Variants in PGM2L1 observed in about 807,000 individuals in gnomAD.
PGM2L1 encodes glucose 1,6-bisphosphate synthase.
Under a neutral mutation model 73.4 loss-of-function variants are expected in PGM2L1, and 35 were observed. The observed-to-expected ratio is 0.48, with a 90% confidence interval of 0.36 to 0.63. PGM2L1 has a LOEUF of 0.63. Ranked by LOEUF, PGM2L1 falls within the 30% of genes least tolerant of loss-of-function variation. PGM2L1 has a pLI of 0.00. For missense variants in PGM2L1, 570 were observed against 742.0 expected (o/e 0.77, Z 2.69); for synonymous variants, 225 against 253.8 (o/e 0.89, Z 1.08).
At chr11:74,346,549 T>A (rs1270840558) in intron 8 of PGM2L1, among the ~76,000 whole-genome samples, 183 bp downstream of exon 8, 1 of 152,200 alleles carries the variant, frequency 6.6e-6, no homozygotes, top group East Asian at 1.9e-4. Context: ...TTTAAATATT[T>A]CAATTTAAAA....
intron 5 of PGM2L1, 59 bp downstream of exon 5, chr11:74,368,433 T>C (rs1663793654): frequency 7.0e-7 from 1 of 1,423,076 alleles, no homozygotes; most frequent in Admixed American, 1.7e-5. Context: ...TCAACACATA[T>C]TATTTGAATA....
intron 1 of PGM2L1, among the ~76,000 whole-genome samples, chr11:74,382,515 T>C (rs1415067649): frequency 6.6e-6 from 1 of 152,188 alleles, no homozygotes; most frequent in Non-Finnish European, 1.5e-5. Context: ...TTTTATTTTT[T>C]TGAGGCAGAG....
At position 74,389,720 on chromosome 11, in the gene PGM2L1, G is replaced by C. The variant is rs111281992; in HGVS notation, c.111+8331C>G. On this transcript the variant is annotated intron_variant, in intron 1 of 13. Coordinates refer to ENST00000298198, the MANE Select transcript of PGM2L1 (RefSeq NM_173582.6). The stretch of plus-strand genomic sequence containing the variant: ...CTGCCTTGGCCTCCCAAAGTGCTAG[G>C]ATTACAGACGTGAGCCACTGCGCCC... Among the ~76,000 whole-genome samples, 976 of 151,194 alleles carry C rather than the reference G, an allele frequency of 6.5e-3. 9 individuals carry two copies. The highest frequency in any genetic ancestry group is 0.022 in the African/African-American group (921 of 41,254).
intron 12 of PGM2L1, among the ~76,000 whole-genome samples, chr11:74,341,880 T>G (rs557675349): frequency 2.0e-5 from 3 of 152,254 alleles, no homozygotes; most frequent in Non-Finnish European, 4.4e-5. Context: ...GAGGAGTTCG[T>G]GGAACCAAGG....
intron 4 of PGM2L1, among the ~76,000 whole-genome samples, chr11:74,370,006 C>G (rs1055660016): frequency 1.3e-5 from 2 of 152,132 alleles, no homozygotes; most frequent in Non-Finnish European, 2.9e-5. Context: ...CTTGGCCTCC[C>G]AAAGTGCTGG....
chr11:74,385,839 T>A (rs1863010880), intron 1 of PGM2L1, among the ~76,000 whole-genome samples: 1 of 152,166 alleles, frequency 6.6e-6, no homozygotes, highest in Admixed American at 6.5e-5. Context: ...TAGGCTACAA[T>A]TATGGTCTGA....
rs1862982924 is a variant in PGM2L1, at chr11:74,383,824, A to ATATATATATATATAT, written c.112-9243_112-9242insATATATATATATATA. On this transcript the variant is annotated intron_variant, in intron 1 of 13. Coordinates refer to ENST00000298198, the MANE Select transcript of PGM2L1 (RefSeq NM_173582.6). ...AGTATTCTATGGAGATATATAAATA[A>ATATATATATATATAT]ATATATATATATATATATAACATTT... is the stretch of plus-strand genomic sequence containing the variant. Among the ~76,000 whole-genome samples the ATATATATATATATAT allele has an allele frequency of 1.8e-4, 22 of 121,838 alleles. No individual in the cohort carries two copies. The East Asian group carries it at 1.9e-3, about 10-fold the overall frequency. 79.9% of individuals were successfully genotyped at this position (121,838 alleles called of 152,430 possible).
chr11:74,348,709 C>A (rs2134893124), intron 6 of PGM2L1, among the ~76,000 whole-genome samples: 1 of 152,258 alleles, frequency 6.6e-6, no homozygotes, highest in East Asian at 1.9e-4. Flanking sequence ...CCCTTCCTTC[C>A]CCAACCCAAA....
rs146111663 is a variant in PGM2L1, at chr11:74,346,779, G to A, written c.990C>T (p.Ala330=). 181 of 1,613,918 alleles carry A rather than the reference G, an allele frequency of 1.1e-4. No individual in the cohort carries two copies. Among genetic ancestry groups the A allele is most frequent in the Admixed American group, 6.7e-5 (4 of 60,000 alleles). ...CCAGTCTGTCTGCATCAGGATCTGT[G>A]GCTAGCACTACCCGGGCATTTTCTT... ...AEKENARVVL[A]TDPDADRLAA... The change falls in exon 8 of 14, where the codon GCC becomes GCT. Residue 330 remains alanine, a synonymous_variant. Coordinates refer to ENST00000298198, the MANE Select transcript of PGM2L1 (RefSeq NM_173582.6).
At chr11:74,360,627 G>C (rs560185240) in intron 5 of PGM2L1, among the ~76,000 whole-genome samples, 88 of 152,312 alleles carry the variant, frequency 5.8e-4, no homozygotes, top group Admixed American at 1.9e-3. Context: ...CACCCAGGAA[G>C]CGCAAGGGGT....
chr11:74,393,016 C>T (rs1006306104), intron 1 of PGM2L1, among the ~76,000 whole-genome samples: 4 of 152,196 alleles, frequency 2.6e-5, no homozygotes, highest in African/African-American at 9.6e-5. Context: ...TAGCAAGTCA[C>T]TTTTCTTTTA....
rs1862458859 is a variant in PGM2L1 at position 74,356,514 on chromosome 11, C to T, written c.556-4938G>A. Among the ~76,000 whole-genome samples, 4 of 152,038 alleles carry T rather than the reference C, an allele frequency of 2.6e-5. No homozygotes were observed. The South Asian group carries it at 8.3e-4, about 32-fold the overall frequency. On this transcript the variant is annotated intron_variant, in intron 5 of 13. Coordinates refer to ENST00000298198, the MANE Select transcript of PGM2L1 (RefSeq NM_173582.6). ...CACCCTATTCTTGAATAGGGAGACT[C>T]AATTATTAAAATATCGAGCCTCTCT... is the stretch of plus-strand genomic sequence containing the variant.
At chr11:74,342,737 T>C in intron 11 of PGM2L1, 87 bp from the exon 12 acceptor site, 2 of 1,379,776 alleles carry the variant, frequency 1.4e-6, no homozygotes, top group Non-Finnish European at 2.0e-6. Flanking sequence ...TACTATGGTA[T>C]TTTATACAAA....
intron 1 of PGM2L1, among the ~76,000 whole-genome samples, chr11:74,378,116 A>C (rs1862883922): frequency 6.6e-6 from 1 of 152,188 alleles, no homozygotes; most frequent in Non-Finnish European, 1.5e-5. Context: ...AGTCTGGCCA[A>C]CATGGCGAAA....
chr11:74,336,996 G>A (rs1203207847), intron 13 of PGM2L1, among the ~76,000 whole-genome samples: 1 of 152,094 alleles, frequency 6.6e-6, no homozygotes, highest in African/African-American at 2.4e-5. Context: ...GATAAACAGA[G>A]GAGTGATGGT....
rs141275585 is a variant in PGM2L1, at chr11:74,372,945, T to C, written c.280-1128A>G. Among the ~76,000 whole-genome samples, 269 of 152,290 alleles carry C rather than the reference T, an allele frequency of 1.8e-3. 1 individual carries two copies. Among genetic ancestry groups the C allele is most frequent in the Non-Finnish European group, 1.5e-3 (102 of 68,010 alleles). On this transcript the variant is annotated intron_variant, in intron 2 of 13. Transcript: ENST00000298198. ...TATCCTAAAACCTCATAGACCCTCA[T>C]ATTAATCTCTGCTATCAGAATGCAT...
At position 74,331,680 on chromosome 11, in the gene PGM2L1, G is replaced by C. The variant is rs1366134856; in HGVS notation, c.*4972C>G. ...CACGTGATGAACATGGTGCTCCTTT[G>C]TGGTGGCATAAGTTTCAGTAAAGAT... On this transcript the variant is annotated 3_prime_UTR_variant, in exon 14 of 14. Transcript: ENST00000298198. The C allele has an allele frequency of 6.6e-6, 1 of 152,206 alleles. No homozygotes were observed. Among genetic ancestry groups the C allele is most frequent in the East Asian group, 1.9e-4 (1 of 5,204 alleles). 9.4% of individuals were successfully genotyped at this position (152,206 alleles called of 1,614,324 possible).
At position 74,335,428 on chromosome 11, in the gene PGM2L1, A is replaced by C. The variant is rs1401943261; in HGVS notation, c.*1224T>G. 7 of 152,174 alleles carry C rather than the reference A, an allele frequency of 4.6e-5. No individual in the cohort carries two copies. Among genetic ancestry groups the C allele is most frequent in the Non-Finnish European group, 8.8e-5 (6 of 68,024 alleles). 9.4% of individuals were successfully genotyped at this position (152,174 alleles called of 1,614,324 possible). A position where few individuals can be genotyped will look rare whatever the true frequency, so the allele number is the denominator to read the frequency against. On this transcript the variant is annotated 3_prime_UTR_variant, in exon 14 of 14. Transcript: ENST00000298198. ...AGCCACTGCGCCCAGCCCAAAAGTG[A>C]CTTTTTGTAAAAAATTATTTTCTAC...
At chr11:74,383,651 T>C (rs1281067547) in intron 1 of PGM2L1, among the ~76,000 whole-genome samples, 2 of 151,780 alleles carry the variant, frequency 1.3e-5, no homozygotes, top group Non-Finnish European at 2.9e-5. Context: ...CCGGTGTCCA[T>C]GTGTTCTCAT....
Sources: gnomAD v4.1 joint callset for allele counts (sites outside exome capture counted in the v4.1 genomes callset) on GRCh38, gnomAD v4.1.1 for gene constraint, MANE v1.5 for transcripts, NCBI Gene and HGNC (gene_info 2026-07-23, HGNC 2026-07-21) for gene names.